The following ENOX2 variants were observed in gnomAD, a reference collection of about 807,000 sequenced individuals.
ENOX2 encodes APK1 antigen.
Under a neutral mutation model 45.0 loss-of-function variants are expected in ENOX2, and 36 were observed. The observed-to-expected ratio is 0.80, with a 90% CI of 0.61 to 1.06. ENOX2 has a LOEUF of 1.06. Among genes scored for constraint, ENOX2 ranks in the 50% least tolerant of loss-of-function variants. ENOX2 has a pLI of 0.00. For synonymous variants in ENOX2, 174 were observed against 152.3 expected, an observed-to-expected ratio of 1.14 and a Z score of -1.05; for missense variants, 423 against 462.5, an observed-to-expected ratio of 0.91 and a Z score of 0.78.
intron 3 of ENOX2, among the ~76,000 whole-genome samples, chrX:130,720,848 A>T (rs1345636738): frequency 9.0e-6 from 1 of 111,306 alleles, no homozygotes; most frequent in Non-Finnish European, 1.9e-5. Flanking sequence ...TAAAGACCAA[A>T]CAAGCCTCTA....
chrX:130,753,582 C>T (rs747971012), intron 3 of ENOX2, among the ~76,000 whole-genome samples: 1 of 61,748 alleles, frequency 1.6e-5, no homozygotes, highest in Non-Finnish European at 3.0e-5. Context: ...CTCCCTCTGG[C>T]CATTTGTCTG....
chrX:130,866,503 T>C (rs751717519), intron 2 of ENOX2, among the ~76,000 whole-genome samples: 15 of 112,099 alleles, frequency 1.3e-4, no homozygotes, highest in Non-Finnish European at 2.3e-4. Context: ...GCAAACTATT[T>C]ACTCCAGCTG....
At chrX:130,723,252 G>C (rs943222430) in intron 3 of ENOX2, among the ~76,000 whole-genome samples, 1 of 112,355 alleles carries the variant, frequency 8.9e-6, no homozygotes, top group African/African-American at 3.2e-5. Context: ...TGGGTTTCCA[G>C]AAAGCCTTTG....
intron 3 of ENOX2, among the ~76,000 whole-genome samples, chrX:130,715,722 C>T (rs747251884): frequency 9.0e-6 from 1 of 111,467 alleles, no homozygotes; most frequent in African/African-American, 3.3e-5. Context: ...AGATCATAAT[C>T]TTTGGATTAG....
At chrX:130,899,408 G>A (rs1260748639) in intron 2 of ENOX2, among the ~76,000 whole-genome samples, 1 of 111,882 alleles carries the variant, frequency 8.9e-6, no homozygotes, top group East Asian at 2.8e-4. Flanking sequence ...GTATGGAGAT[G>A]AATGAAACCT....
intron 3 of ENOX2, among the ~76,000 whole-genome samples, chrX:130,721,531 T>A (rs1415877119): frequency 8.9e-6 from 1 of 111,872 alleles, no homozygotes. Context: ...CAACTTCACT[T>A]CCCATTCTCC....
chrX:130,627,945 G>A lies in ENOX2; in HGVS notation c.1614+13C>T. On this transcript the variant is annotated intron_variant, in intron 14 of 14. Coordinates refer to ENST00000394363, the MANE Select transcript of ENOX2 (RefSeq NM_006375.4). ...CACATCCCCTTGCATCCCCATTTTA[G>A]GCCCCCATATACCTTATTATCAAGA... 8.6e-7 allele frequency: 1 copy of A among 1,164,007 alleles called. No individual in the cohort carries two copies. The highest frequency in any genetic ancestry group is 1.2e-6 in the Non-Finnish European group (1 of 853,183).
At chrX:130,685,109 C>T (rs766277194) in intron 5 of ENOX2, among the ~76,000 whole-genome samples, 2 of 112,110 alleles carry the variant, frequency 1.8e-5, no homozygotes, top group East Asian at 2.8e-4. Context: ...GAGTTAGCCA[C>T]GCAGATATTT....
chrX:130,780,480 T>A (rs1009428064), intron 3 of ENOX2, among the ~76,000 whole-genome samples: 1 of 111,878 alleles, frequency 8.9e-6, no homozygotes, highest in Non-Finnish European at 1.9e-5. Flanking sequence ...GGTAATAGTA[T>A]ACTTACAGTC....
chrX:130,870,804 T>C (rs1259711394), intron 2 of ENOX2, among the ~76,000 whole-genome samples: 1 of 110,388 alleles, frequency 9.1e-6, no homozygotes, highest in Non-Finnish European at 1.9e-5. Flanking sequence ...TCAACCTTTT[T>C]CTGTGTGTTT....
chrX:130,723,897 G>A, intron 3 of ENOX2, among the ~76,000 whole-genome samples: 1 of 111,624 alleles, frequency 9.0e-6, no homozygotes, highest in South Asian at 3.8e-4. Flanking sequence ...TATTTTCCCT[G>A]CTGAGATGTA....
intron 2 of ENOX2, among the ~76,000 whole-genome samples, chrX:130,851,713 T>G (rs776954244): frequency 3.6e-5 from 4 of 112,040 alleles, no homozygotes; most frequent in Admixed American, 9.5e-5. Context: ...GCTCCACAGA[T>G]AGCTACAACA....
rs767433036 is a variant in ENOX2, at chrX:130,836,846, G to A, written c.-182-53156C>T. The stretch of plus-strand genomic sequence containing the variant: ...AGAAAGGCTGGGGGAGAGGAAGAGA[G>A]TAAGCTATTTAGCTTTATCTGTGGG... On this transcript the variant is annotated intron_variant, in intron 2 of 14. Transcript: ENST00000394363. Among the ~76,000 whole-genome samples, 3 of 112,223 alleles carry A rather than the reference G, an allele frequency of 2.7e-5. No individual in the cohort carries two copies. The South Asian group carries it at 1.1e-3, about 42-fold the overall frequency.
At position 130,656,683 on chromosome X, in the gene ENOX2, T is replaced by C. The variant is rs1188670709; in HGVS notation, c.1027A>G (p.Ile343Val). 11 of 1,119,820 alleles carry C rather than the reference T, an allele frequency of 9.8e-6. No individual in the cohort carries two copies. The highest frequency in any genetic ancestry group is 9.8e-6 in the Non-Finnish European group (8 of 819,286). 92.3% of individuals were successfully genotyped at this position (1,119,820 alleles called of 1,213,427 possible). Residue 343 changes from isoleucine to valine, a missense_variant, in exon 10 of 15, where the codon ATT becomes GTT. By Grantham distance (29) the Ile-to-Val change is conservative. Around this residue, in one of 5 missense-constraint regions of ENOX2, gnomAD observed 261 missense variants for 306.8 expected, o/e 0.85. Coordinates refer to ENST00000394363, the MANE Select transcript of ENOX2 (RefSeq NM_006375.4). ...ATTCCCATTAATTCATCATTATGAA[T>C]GTTGCGAATTTCCTAAGGTTAAAAA... ...WCKQAEEIRNIHNDELMGIRR... is the reference protein window; with the variant it reads ...WCKQAEEIRNVHNDELMGIRR...
At chrX:130,653,495 G>C (rs1436815091) in intron 10 of ENOX2, among the ~76,000 whole-genome samples, 1 of 110,135 alleles carries the variant, frequency 9.1e-6, no homozygotes, top group East Asian at 2.9e-4. Context: ...TTTGAGCCCC[G>C]ACCCTTTTAC....
rs186253237 is a variant in ENOX2 at position 130,657,877 on chromosome X, C to T, written c.1015-1182G>A. On this transcript the variant is annotated intron_variant, in intron 9 of 14. Transcript: ENST00000394363. ...TTAACAGAGACCAACACTGAAATCA[C>T]CTAGATGTGGTAATTTAACAGACAA... Among the ~76,000 whole-genome samples, 441 of 111,771 alleles carry T rather than the reference C, an allele frequency of 3.9e-3. 2 individuals are homozygous for T. Among genetic ancestry groups the T allele is most frequent in the African/African-American group, 0.014 (425 of 30,809 alleles).
chrX:130,740,705 C>G (rs771131202), intron 3 of ENOX2, among the ~76,000 whole-genome samples: 94 of 111,696 alleles, frequency 8.4e-4, no homozygotes, highest in Non-Finnish European at 1.5e-3. Context: ...GAGTAGAGAG[C>G]AGTGGGAGAA....
intron 3 of ENOX2, among the ~76,000 whole-genome samples, chrX:130,730,521 T>C (rs751531209): frequency 1.8e-5 from 2 of 112,541 alleles, no homozygotes; most frequent in East Asian, 5.6e-4. Flanking sequence ...AAGATGGGCC[T>C]GTAAATCAAA....
intron 3 of ENOX2, among the ~76,000 whole-genome samples, chrX:130,778,217 C>T (rs2039901576): frequency 9.0e-6 from 1 of 111,598 alleles, no homozygotes; most frequent in African/African-American, 3.3e-5. Context: ...AACAAAAGTA[C>T]TCTCAAGCAG....
Sources: allele counts gnomAD v4.1 joint callset (sites outside exome capture counted in the v4.1 genomes callset), GRCh38; gene constraint gnomAD v4.1.1; regional missense constraint gnomAD v4.1.1; transcripts MANE v1.5; gene names NCBI Gene and HGNC (gene_info 2026-07-23, HGNC 2026-07-21).